Variants in CRADD observed in about 807,000 individuals in gnomAD.
CRADD encodes the protein death domain-containing protein CRADD.
CRADD carries 9 observed loss-of-function variants against 15.5 expected under a neutral mutation model. The ratio of observed to expected loss-of-function variants is 0.58; its 90% confidence interval spans 0.35 to 1.01. The LOEUF is 1.01. Among genes scored for constraint, CRADD ranks in the 50% least tolerant of loss-of-function variants. The pLI is 0.02. For synonymous variants in CRADD, 118 were observed against 107.6 expected (o/e 1.10, Z -0.60); for missense variants, 227 against 250.3 (o/e 0.91, Z 0.63).
intron 2 of CRADD, among the ~76,000 whole-genome samples, chr12:93,729,113 A>G (rs1956419651): frequency 6.6e-6 from 1 of 152,228 alleles, no homozygotes; most frequent in South Asian, 2.1e-4. Context: ...AAATAGCCTC[A>G]CATTAGCTCA....
At chr12:93,689,166 C>A (rs1016207814) in intron 2 of CRADD, among the ~76,000 whole-genome samples, 1 of 152,194 alleles carries the variant, frequency 6.6e-6, no homozygotes, top group Non-Finnish European at 1.5e-5. Context: ...TCCCCTGATA[C>A]TGGAATCCAG....
intron 2 of CRADD, among the ~76,000 whole-genome samples, chr12:93,698,191 T>C (rs1173809797): frequency 2.0e-5 from 3 of 152,148 alleles, no homozygotes; most frequent in Non-Finnish European, 4.4e-5. Context: ...GTGCCATATC[T>C]TGGGCCAGTG....
At chr12:93,891,254 C>T (rs906349401) in intron 2 of CRADD, among the ~76,000 whole-genome samples, 3 of 151,760 alleles carry the variant, frequency 2.0e-5, no homozygotes, top group Admixed American at 1.3e-4. Flanking sequence ...TTTGGGAGGC[C>T]GAGACAGGCA....
At chr12:93,800,947 G>T (rs996740731) in intron 2 of CRADD, among the ~76,000 whole-genome samples, 1 of 152,160 alleles carries the variant, frequency 6.6e-6, no homozygotes, top group African/African-American at 2.4e-5. Context: ...CTGGATTAGG[G>T]TGATTTTATC....
rs35071454 is a variant in CRADD at position 93,824,421 on chromosome 12, TAC to T, written c.299-25530_299-25529del. 6.0e-3 allele frequency among the ~76,000 whole-genome samples: 907 copies of T among 150,302 alleles called. 3 individuals are homozygous for T. The highest frequency in any genetic ancestry group is 0.013 in the South Asian group (63 of 4,748). On this transcript the variant is annotated intron_variant, in intron 2 of 2. Coordinates refer to ENST00000332896, the MANE Select transcript of CRADD (RefSeq NM_003805.5). The surrounding 1 kb of genome is among the most constrained non-coding windows in gnomAD (Gnocchi z 4.3). ...ACACACACACACTCATACACACACATACACACACACACACACACACTACCAGG... is the reference window on the plus strand; with the variant it reads ...ACACACACACACTCATACACACACATACACACACACACACACACTACCAGG...
At chr12:93,760,427 A>G (rs150001139) in intron 2 of CRADD, among the ~76,000 whole-genome samples, 1,638 of 152,302 alleles carry the variant, frequency 0.011, 97 homozygotes, top group Admixed American at 0.094. Flanking sequence ...TTTATTTACT[A>G]TGAGAGATCT....
chr12:93,807,078 AT>A (rs1239850697), intron 2 of CRADD, among the ~76,000 whole-genome samples: 2 of 152,120 alleles, frequency 1.3e-5, no homozygotes, highest in Non-Finnish European at 2.9e-5. Flanking sequence ...CCATATTAAG[AT>A]TTGAGATATG....
chr12:93,842,759 G>A (rs961152269), intron 2 of CRADD, among the ~76,000 whole-genome samples: 4 of 144,662 alleles, frequency 2.8e-5, no homozygotes, highest in Non-Finnish European at 6.0e-5. Flanking sequence ...TTTCATTCAC[G>A]TAGTGACCAC....
chr12:93,693,822 G>A (rs1315128225), intron 2 of CRADD, among the ~76,000 whole-genome samples: 2 of 152,002 alleles, frequency 1.3e-5, no homozygotes, highest in Non-Finnish European at 2.9e-5. Context: ...TAATGTATAA[G>A]GATATTGAGT....
chr12:93,748,073 C>T (rs137985800), intron 2 of CRADD, among the ~76,000 whole-genome samples: 3 of 152,060 alleles, frequency 2.0e-5, no homozygotes, highest in Non-Finnish European at 4.4e-5. Flanking sequence ...TGGAGCTATG[C>T]ATATATCTTT....
chr12:93,701,923 T>C (rs1001071496), intron 2 of CRADD, among the ~76,000 whole-genome samples: 3 of 152,180 alleles, frequency 2.0e-5, no homozygotes, highest in Non-Finnish European at 4.4e-5. Context: ...TTCCTTTCTT[T>C]TCCCAGAAGC....
intron 2 of CRADD, among the ~76,000 whole-genome samples, chr12:93,842,796 A>G (rs1958063980): frequency 1.5e-5 from 2 of 133,554 alleles, no homozygotes; most frequent in Admixed American, 7.7e-5. Context: ...GGGGCGAGAG[A>G]ATAAGTTAAG....
intron 2 of CRADD, among the ~76,000 whole-genome samples, chr12:93,684,157 CA>C (rs1955382824): frequency 2.0e-5 from 3 of 152,204 alleles, no homozygotes; most frequent in Non-Finnish European, 4.4e-5. Context: ...TGAGGGCATT[CA>C]TGCGTTCATC....
At chr12:93,851,719 A>G (rs1958223777), downstream of CRADD, among the ~76,000 whole-genome samples, 1 of 152,206 alleles carries the variant, frequency 6.6e-6, no homozygotes, top group African/African-American at 2.4e-5. Context: ...TAAACTTTAC[A>G]ATGGGGCCAG....
intron 2 of CRADD, among the ~76,000 whole-genome samples, chr12:93,732,022 G>A (rs1956473683): frequency 2.0e-5 from 3 of 152,066 alleles, no homozygotes; most frequent in Admixed American, 2.0e-4. Context: ...TGTAATCCCA[G>A]CTACTTGGGA....
At chr12:93,780,007 G>A (rs1957186396) in intron 2 of CRADD, among the ~76,000 whole-genome samples, 1 of 152,174 alleles carries the variant, frequency 6.6e-6, no homozygotes, top group Non-Finnish European at 1.5e-5. Context: ...GCGTAAACCG[G>A]TAAGAAAATA....
intron 2 of CRADD, among the ~76,000 whole-genome samples, chr12:93,825,079 A>G (rs1286064931): frequency 6.6e-6 from 1 of 152,246 alleles, no homozygotes; most frequent in Admixed American, 6.5e-5. Flanking sequence ...CTCAGGCTGT[A>G]AAATGAATTA....
Position 93,882,308 on chromosome 12 carries a change from C to G in CRADD, c.299-11742C>G, listed in dbSNP as rs1234762007. On this transcript the variant is annotated intron_variant, in intron 2 of 2. Coordinates refer to the CRADD transcript ENST00000548483. ...TGGTGGCAGGCGCCTGTGATCCCAG[C>G]TACTCAGGAGGCCGAGGCAGGAGAA... is the stretch of plus-strand genomic sequence containing the variant. 2.0e-5 allele frequency among the ~76,000 whole-genome samples: 3 copies of G among 150,898 alleles called. No individual in the cohort carries two copies. In the East Asian group the frequency reaches 5.9e-4, roughly 30 times the overall value.
In CRADD at chr12:93,678,953, T is replaced by G. The variant is rs1159769165; in HGVS notation, c.179T>G (p.Ile60Ser). 3.1e-6 allele frequency: 5 copies of G among 1,613,990 alleles called. No individual in the cohort carries two copies. The African/African-American group carries it at 5.3e-5, about 17-fold the overall frequency. Residue 60 changes from isoleucine to serine, a missense_variant, in exon 2 of 3, where the codon ATC becomes AGC. Transcript: ENST00000332896. ...GLRKTMLLLD[I>S]LPSRGPKAFD... ...CGGAAAACAATGCTCCTGCTGGATA[T>G]CCTACCTTCCAGGGGCCCTAAAGCA...
Sources: gnomAD v4.1 joint callset for allele counts (sites outside exome capture counted in the v4.1 genomes callset) on GRCh38, gnomAD v4.1.1 for gene constraint, Gnocchi (gnomAD v3.1) non-coding constraint, MANE v1.5 for transcripts, NCBI Gene and HGNC (gene_info 2026-07-23, HGNC 2026-07-21) for gene names.